The following CTNND2 variants were observed in gnomAD, a reference collection of about 807,000 sequenced individuals.
CTNND2 encodes the protein catenin delta 2.
A neutral mutation model predicts 144.4 loss-of-function variants in CTNND2; 22 were observed. The observed-to-expected ratio is 0.15, with a 90% CI of 0.11 to 0.22. The LOEUF (loss-of-function observed/expected upper bound fraction) is 0.22. Among genes scored for constraint, CTNND2 ranks in the 10% least tolerant of loss-of-function variants. The pLI is 1.00. For missense variants in CTNND2, 1,353 were observed against 1,618.8 expected (o/e 0.84, Z 2.82); for synonymous variants, 751 against 695.6 (o/e 1.08, Z -1.25).
At chr5:11,599,683 T>C (rs551888070) in intron 2 of CTNND2, among the ~76,000 whole-genome samples, 1 of 152,314 alleles carries the variant, frequency 6.6e-6, no homozygotes, top group South Asian at 2.1e-4. Flanking sequence ...GTTAGATTTA[T>C]ACCCGTGAGT....
chr5:11,449,533 A>C (rs537057845), intron 3 of CTNND2, among the ~76,000 whole-genome samples: 1 of 152,314 alleles, frequency 6.6e-6, no homozygotes, highest in African/African-American at 2.4e-5. Flanking sequence ...CAGCCATCTG[A>C]GGATCACAGG....
intron 5 of CTNND2, among the ~76,000 whole-genome samples, chr5:11,410,505 T>C (rs1191193321): frequency 6.6e-6 from 1 of 152,192 alleles, no homozygotes; most frequent in Non-Finnish European, 1.5e-5. Context: ...GTTTTTGATG[T>C]ATTACCAGGA....
intron 9 of CTNND2, among the ~76,000 whole-genome samples, chr5:11,298,802 CAA>C (rs1749273898): frequency 6.6e-6 from 1 of 152,310 alleles, no homozygotes; most frequent in South Asian, 2.1e-4. Flanking sequence ...GGATGCTGAG[CAA>C]GTTACATATG....
intron 2 of CTNND2, among the ~76,000 whole-genome samples, chr5:11,628,908 CA>C (rs2126459163): frequency 6.6e-6 from 1 of 152,124 alleles, no homozygotes; most frequent in Admixed American, 6.5e-5. Context: ...GGTGATGGGA[CA>C]AAAGCTGGCA....
At chr5:11,330,483 CAAAAAAAAAAAAAAAA>C (rs10627159) in intron 9 of CTNND2, among the ~76,000 whole-genome samples, 2 of 43,442 alleles carry the variant, frequency 4.6e-5, no homozygotes, top group Admixed American at 4.2e-4. Flanking sequence ...GACTCCGTCT[CAAAAAAAAAAAAAAAA>C]AAAAAAAAAA....
chr5:11,076,440 A>C (rs2149622689), intron 16 of CTNND2, among the ~76,000 whole-genome samples: 1 of 152,366 alleles, frequency 6.6e-6, no homozygotes, highest in African/African-American at 2.4e-5. Context: ...CTGTTGAAGC[A>C]ATACAATATT....
chr5:11,185,049 C>T (rs981171205), intron 11 of CTNND2, among the ~76,000 whole-genome samples: 3 of 152,196 alleles, frequency 2.0e-5, no homozygotes, highest in Non-Finnish European at 4.4e-5. Context: ...AGTTCTCAAT[C>T]CATTCTTATT....
chr5:11,282,980 A>T (rs554047760), intron 9 of CTNND2, among the ~76,000 whole-genome samples: 16 of 152,270 alleles, frequency 1.1e-4, no homozygotes, highest in Non-Finnish European at 1.9e-4. Flanking sequence ...TTAAGACAAA[A>T]GATTTACAAA....
chr5:11,282,875 A>G (rs946547301), intron 9 of CTNND2, among the ~76,000 whole-genome samples: 2 of 152,196 alleles, frequency 1.3e-5, no homozygotes, highest in Non-Finnish European at 1.5e-5. Flanking sequence ...ACCATCGCAT[A>G]CTGATATATC....
chr5:11,279,647 A>G (rs1014376179), intron 9 of CTNND2, among the ~76,000 whole-genome samples: 3 of 152,204 alleles, frequency 2.0e-5, no homozygotes, highest in African/African-American at 7.2e-5. Flanking sequence ...ATAAAGAAAT[A>G]CCTGAGACTG....
rs116039434 is a variant in CTNND2 at position 11,243,929 on chromosome 5, T to C, written c.1629-7106A>G. On this transcript the variant is annotated intron_variant, in intron 9 of 21. Coordinates refer to ENST00000304623, the MANE Select transcript of CTNND2 (RefSeq NM_001332.4). ...CTCACTTTGATTGCAATCTAAACTA[T>C]TTCTATTGAGGGCAGGGCTGTGTGG... is the stretch of plus-strand genomic sequence containing the variant. Among the ~76,000 whole-genome samples, 1,174 of 152,352 alleles carry C rather than the reference T, an allele frequency of 7.7e-3. 5 individuals carry two copies. The highest frequency in any genetic ancestry group is 0.013 in the Non-Finnish European group (865 of 68,028).
chr5:11,361,183 G>A (rs1468148720), intron 8 of CTNND2, among the ~76,000 whole-genome samples: 2 of 152,096 alleles, frequency 1.3e-5, no homozygotes, highest in African/African-American at 4.8e-5. Context: ...ACCATGCCCG[G>A]CTAATTTTTG....
chr5:11,506,353 T>C (rs1005529191), intron 3 of CTNND2, among the ~76,000 whole-genome samples: 1 of 152,192 alleles, frequency 6.6e-6, no homozygotes, highest in Non-Finnish European at 1.5e-5. Flanking sequence ...ATTTAAAAAA[T>C]AAGCAGTATA....
At chr5:11,737,492 G>C (rs557595260) in intron 1 of CTNND2, among the ~76,000 whole-genome samples, 7 of 152,286 alleles carry the variant, frequency 4.6e-5, no homozygotes, top group African/African-American at 1.7e-4. Context: ...GGGAAGAACA[G>C]CCCTAAATTT....
At chr5:11,882,272 A>G (rs939870916) in intron 1 of CTNND2, among the ~76,000 whole-genome samples, 4 of 151,928 alleles carry the variant, frequency 2.6e-5, no homozygotes, top group Admixed American at 6.6e-5. Context: ...TATGCTTTTG[A>G]AATCCTATCC....
intron 10 of CTNND2, among the ~76,000 whole-genome samples, chr5:11,203,262 C>T (rs1737673212): frequency 6.6e-6 from 1 of 152,092 alleles, no homozygotes. Flanking sequence ...GAAATGGCAC[C>T]TTTATTTATT....
At chr5:11,360,982 C>T (rs1405880132) in intron 8 of CTNND2, among the ~76,000 whole-genome samples, 1 of 152,132 alleles carries the variant, frequency 6.6e-6, no homozygotes. Flanking sequence ...CAACGAAGCC[C>T]AGGATCTAGG....
At chr5:11,670,602 T>G (rs1163578512) in intron 2 of CTNND2, among the ~76,000 whole-genome samples, 1 of 152,000 alleles carries the variant, frequency 6.6e-6, no homozygotes, top group Admixed American at 6.6e-5. Flanking sequence ...TTTCCATTTG[T>G]TTAGTAAATC....
chr5:11,496,273 G>A (rs1769931179), intron 3 of CTNND2, among the ~76,000 whole-genome samples: 1 of 152,168 alleles, frequency 6.6e-6, no homozygotes, highest in Admixed American at 6.5e-5. Flanking sequence ...GGAATGAGTG[G>A]TTTCAGGTGC....
Sources: allele counts gnomAD v4.1 joint callset (sites outside exome capture counted in the v4.1 genomes callset), GRCh38; gene constraint gnomAD v4.1.1; transcripts MANE v1.5; gene names NCBI Gene and HGNC (gene_info 2026-07-23, HGNC 2026-07-21).